Variants in PRKD1 observed in about 807,000 individuals in gnomAD.
The protein encoded by PRKD1 is serine/threonine-protein kinase D1.
PRKD1 carries 63 observed loss-of-function variants against 95.9 expected under a neutral mutation model. That is an observed-to-expected ratio of 0.66 (90% CI 0.54 to 0.81). The LOEUF is 0.81. Among genes scored for constraint, PRKD1 ranks in the 30% least tolerant of loss-of-function variants. The pLI, the probability that PRKD1 is intolerant of heterozygous loss-of-function variation, is 0.00. For missense variants in PRKD1, 1,048 were observed against 1,165.3 expected (o/e 0.90, Z 1.47); for synonymous variants, 425 against 423.1 (o/e 1.00, Z -0.05).
intron 1 of PRKD1, among the ~76,000 whole-genome samples, chr14:29,728,729 G>A (rs1451061255): frequency 6.6e-6 from 1 of 152,100 alleles, no homozygotes; most frequent in Non-Finnish European, 1.5e-5. Context: ...AAATAAAAAT[G>A]CAATGAACAT....
intron 1 of PRKD1, among the ~76,000 whole-genome samples, chr14:29,871,517 C>T (rs1443615118): frequency 1.3e-5 from 2 of 152,056 alleles, no homozygotes; most frequent in African/African-American, 2.4e-5. Context: ...TATGTGACCT[C>T]GAACAAGTGA....
At chr14:29,800,457 C>CA (rs1021027811) in intron 1 of PRKD1, among the ~76,000 whole-genome samples, 1 of 152,034 alleles carries the variant, frequency 6.6e-6, no homozygotes, top group Non-Finnish European at 1.5e-5. Context: ...TTGCAATTGA[C>CA]AAAAAAACTT....
At chr14:29,759,502 T>C (rs1314298141) in intron 1 of PRKD1, among the ~76,000 whole-genome samples, 1 of 152,216 alleles carries the variant, frequency 6.6e-6, no homozygotes, top group South Asian at 2.1e-4. Context: ...AATACAAAAA[T>C]GTAAATGTTC....
chr14:29,846,265 C>T (rs1324360431), intron 1 of PRKD1, among the ~76,000 whole-genome samples: 9 of 151,980 alleles, frequency 5.9e-5, no homozygotes, highest in Non-Finnish European at 7.4e-5. Context: ...AATATAAATA[C>T]AATTTCAGGT....
intron 6 of PRKD1, 69 bp from the exon 7 acceptor site, chr14:29,636,563 G>C (rs1880392970): frequency 6.6e-7 from 1 of 1,509,594 alleles, no homozygotes; most frequent in East Asian, 2.3e-5. Flanking sequence ...AGACAGTCAG[G>C]TGATCCTAAA....
At chr14:29,715,806 A>C (rs541366794) in intron 2 of PRKD1, among the ~76,000 whole-genome samples, 7 of 152,314 alleles carry the variant, frequency 4.6e-5, no homozygotes, top group African/African-American at 1.7e-4. Context: ...CTATGTGTCA[A>C]GCTTTCATTT....
Position 29,761,607 on chromosome 14 carries a change from T to C in PRKD1, c.265-35933A>G, listed in dbSNP as rs540918501. ...ATTATTATTGTCCATTATCCTGTGC[T>C]ATCAGCTGATTATTATCACTGATAC... On this transcript the variant is annotated intron_variant, in intron 1 of 17. Transcript: ENST00000331968. Among the ~76,000 whole-genome samples, 27 of 152,284 alleles carry C rather than the reference T, an allele frequency of 1.8e-4. No homozygotes were observed. The South Asian group carries it at 5.6e-3, about 32-fold the overall frequency.
At chr14:29,673,697 C>T (rs190304687) in intron 2 of PRKD1, among the ~76,000 whole-genome samples, 304 of 152,344 alleles carry the variant, frequency 2.0e-3, no homozygotes, top group African/African-American at 6.9e-3. Flanking sequence ...TAAGGCTCTA[C>T]ATTTTATTGA....
intron 16 of PRKD1, among the ~76,000 whole-genome samples, chr14:29,589,950 T>G (rs188035565): frequency 1.5e-3 from 221 of 152,352 alleles, no homozygotes; most frequent in Admixed American, 4.0e-3. Context: ...ATGCAGTATC[T>G]TCTATACTTG....
At chr14:29,767,637 T>C (rs1888313576) in intron 1 of PRKD1, among the ~76,000 whole-genome samples, 1 of 152,216 alleles carries the variant, frequency 6.6e-6, no homozygotes, top group African/African-American at 2.4e-5. Context: ...CAAACTAAAA[T>C]GTTCAAACTG....
At chr14:29,620,194 A>C (rs960629244) in intron 13 of PRKD1, among the ~76,000 whole-genome samples, 2 of 150,092 alleles carry the variant, frequency 1.3e-5, no homozygotes, top group Non-Finnish European at 3.0e-5. Context: ...TAAAGACTTA[A>C]ACGTTAGACC....
Position 29,634,308 on chromosome 14 carries a change from C to T in PRKD1, c.1314+110G>A, listed in dbSNP as rs148189428. ...TACCTAATCCCGTGTCATGCCTGTG[C>T]TGAGGTTTACTCTGAGTAATGCAGA... On this transcript the variant is annotated intron_variant, in intron 8 of 17. Transcript: ENST00000331968. 2.9e-3 allele frequency: 4,368 copies of T among 1,511,610 alleles called. 11 individuals are homozygous for T. Among genetic ancestry groups the T allele is most frequent in the Non-Finnish European group, 3.5e-3 (3,827 of 1,098,586 alleles). 93.6% of individuals were successfully genotyped at this position (1,511,610 alleles called of 1,614,324 possible).
At chr14:29,884,979 C>CGGGCA (rs1566654127) in intron 1 of PRKD1, among the ~76,000 whole-genome samples, 1 of 151,832 alleles carries the variant, frequency 6.6e-6, no homozygotes, top group Non-Finnish European at 1.5e-5. Flanking sequence ...AAAAATTAGC[C>CGGGCA]GGGCATCGTG....
At chr14:29,916,711 G>A (rs2139130891) in intron 1 of PRKD1, among the ~76,000 whole-genome samples, 1 of 152,260 alleles carries the variant, frequency 6.6e-6, no homozygotes, top group South Asian at 2.1e-4. Flanking sequence ...ATGCAAAGAT[G>A]ATACCAGCTT....
At chr14:29,615,474 T>C (rs1385994644) in intron 13 of PRKD1, among the ~76,000 whole-genome samples, 1 of 152,262 alleles carries the variant, frequency 6.6e-6, no homozygotes, top group Non-Finnish European at 1.5e-5. Flanking sequence ...CTGTTTATGT[T>C]GCTGAGGTGG....
chr14:29,577,675 CAA>C (rs1249076897), intron 17 of PRKD1, among the ~76,000 whole-genome samples: 1 of 152,158 alleles, frequency 6.6e-6, no homozygotes, highest in African/African-American at 2.4e-5. Flanking sequence ...TAGCATGGAT[CAA>C]AGAGTGGGCA....
intron 13 of PRKD1, among the ~76,000 whole-genome samples, chr14:29,615,043 T>C (rs1020144272): frequency 1.3e-5 from 2 of 151,880 alleles, no homozygotes; most frequent in African/African-American, 4.8e-5. Context: ...CAAAGAATTA[T>C]GAAAGGTAGA....
Position 29,629,039 on chromosome 14 carries a change from A to G in PRKD1, c.1725+2T>C. 1 of 1,595,950 alleles carries G rather than the reference A, an allele frequency of 6.3e-7. No homozygotes were observed. Among genetic ancestry groups the G allele is most frequent in the Non-Finnish European group, 8.6e-7 (1 of 1,166,476 alleles). ...GTTTTATATTAGTAGGTACATACTT[A>G]CCACATTTTCTTGAATCTGGCAATT... On this transcript the variant is annotated splice_donor_variant, in intron 11 of 17. Coordinates refer to ENST00000331968, the MANE Select transcript of PRKD1 (RefSeq NM_002742.3). LOFTEE classifies it high-confidence loss of function.
In PRKD1 at chr14:29,904,723, T is replaced by C. The variant is rs1173959104; in HGVS notation, c.264+22526A>G. Reference sequence around the variant, plus strand: ...TGGAGCTTAAATAATTAGGGATATATGCTGAGTTCAAACAGCTTAGCTCAT... The same window carrying C: ...TGGAGCTTAAATAATTAGGGATATACGCTGAGTTCAAACAGCTTAGCTCAT... On this transcript the variant is annotated intron_variant, in intron 1 of 17. Coordinates refer to ENST00000331968, the MANE Select transcript of PRKD1 (RefSeq NM_002742.3). Among the ~76,000 whole-genome samples, 4 of 152,218 alleles carry C rather than the reference T, an allele frequency of 2.6e-5. No individual in the cohort carries two copies. In the East Asian group the frequency reaches 7.7e-4, roughly 29 times the overall value.
Sources: allele counts gnomAD v4.1 joint callset (sites outside exome capture counted in the v4.1 genomes callset), GRCh38; gene constraint gnomAD v4.1.1; transcripts MANE v1.5; gene names NCBI Gene and HGNC (gene_info 2026-07-23, HGNC 2026-07-21).